The following PTPRM variants were observed in gnomAD, a reference collection of about 807,000 sequenced individuals.
The protein encoded by PTPRM is receptor-type tyrosine-protein phosphatase mu.
PTPRM carries 47 observed loss-of-function variants against 186.7 expected under a neutral mutation model. The observed-to-expected ratio is 0.25, with a 90% CI of 0.20 to 0.32. PTPRM has a LOEUF of 0.32. Among genes scored for constraint, PTPRM ranks in the 10% least tolerant of loss-of-function variants. The probability of loss-of-function intolerance (pLI) is 1.00; values close to 1 mark genes in which losing one functional copy is unlikely to be tolerated. For synonymous variants in PTPRM, 668 were observed against 674.9 expected (o/e 0.99, Z 0.16); for missense variants, 1,494 against 1,865.0 (o/e 0.80, Z 3.66).
chr18:8,285,745 A>C (rs1051186537), intron 19 of PTPRM, among the ~76,000 whole-genome samples: 1 of 152,098 alleles, frequency 6.6e-6, no homozygotes, highest in Non-Finnish European at 1.5e-5. Flanking sequence ...TAATCCCAAC[A>C]CTTTGAGAGG....
At chr18:7,852,663 C>T (rs760410212) in intron 2 of PTPRM, among the ~76,000 whole-genome samples, 9 of 151,454 alleles carry the variant, frequency 5.9e-5, no homozygotes, top group South Asian at 2.1e-4. Context: ...CCAGCCTGGG[C>T]GACAGAGCGA....
chr18:7,860,296 C>G lies in PTPRM; in HGVS notation c.197-27810C>G, dbSNP rs145108506. 2.4e-3 allele frequency among the ~76,000 whole-genome samples: 365 copies of G among 152,274 alleles called. 1 individual carries two copies. The highest frequency in any genetic ancestry group is 8.3e-3 in the African/African-American group (344 of 41,546). On this transcript the variant is annotated intron_variant, in intron 2 of 32. Transcript: ENST00000580170. ...CCATGTTGGCTAGGCTGGCCTTGAACTTCTGACCTCAAGTGATCTGCTGGC... is the reference window on the plus strand; with the variant it reads ...CCATGTTGGCTAGGCTGGCCTTGAAGTTCTGACCTCAAGTGATCTGCTGGC...
intron 13 of PTPRM, among the ~76,000 whole-genome samples, chr18:8,129,716 C>T (rs2145921604): frequency 6.6e-6 from 1 of 152,234 alleles, no homozygotes; most frequent in South Asian, 2.1e-4. Flanking sequence ...TATATTAGAT[C>T]CATTCAGAAT....
chr18:7,641,625 G>A (rs1245616611), intron 1 of PTPRM, among the ~76,000 whole-genome samples: 1 of 152,166 alleles, frequency 6.6e-6, no homozygotes, highest in East Asian at 1.9e-4. Context: ...ATGGATAACT[G>A]CAATCACTAA....
rs527524261 is a variant in PTPRM at position 8,248,170 on chromosome 18, A to G, written c.2548A>G (p.Ile850Val). The part of the protein sequence containing the change: ...YYPDPFVPTA[I>V]LVPINDETHT... ...GACAGACCCATTTGTGCCAACTGCA[A>G]TTTTAGGTGAGAACATTTCCCTTTA... is the stretch of plus-strand genomic sequence containing the variant. The change falls in exon 17 of 33, where the codon ATT becomes GTT. Residue 850 changes from isoleucine to valine, a missense_variant. Physicochemically the swap from Ile to Val is conservative, Grantham distance 29. Transcript: ENST00000580170. The G allele has an allele frequency of 7.2e-6, 11 of 1,531,794 alleles. No homozygotes were observed. The highest frequency in any genetic ancestry group is 4.5e-5 in the East Asian group (2 of 44,474). The allele number at this position is 1,531,794 out of a possible 1,614,324, so 94.9% of individuals were successfully genotyped here. A position where few individuals can be genotyped will look rare whatever the true frequency, so the allele number is the denominator to read the frequency against.
At chr18:8,151,126 G>A (rs2092996493) in intron 14 of PTPRM, among the ~76,000 whole-genome samples, 1 of 152,266 alleles carries the variant, frequency 6.6e-6, no homozygotes, top group East Asian at 1.9e-4. Flanking sequence ...CACTTGAGGA[G>A]GCACTCTGTC....
intron 17 of PTPRM, 108 bp downstream of exon 17, chr18:8,248,284 A>C: frequency 9.2e-7 from 1 of 1,087,156 alleles, no homozygotes; most frequent in Non-Finnish European, 1.4e-6. Flanking sequence ...AGTGATTATA[A>C]GCACGACATG....
rs142114474 is a variant in PTPRM at position 7,682,157 on chromosome 18, A to G, written c.74-91992A>G. Among the ~76,000 whole-genome samples, 285 of 152,342 alleles carry G rather than the reference A, an allele frequency of 1.9e-3. 3 individuals are homozygous for G. Among genetic ancestry groups the G allele is most frequent in the African/African-American group, 6.6e-3 (276 of 41,582 alleles). Reference sequence around the variant, plus strand: ...AGCTGGGATTCCAGTTCAGTTGGTCAGATTCTTTAACCAGTTCTTAACCTG... The same window carrying G: ...AGCTGGGATTCCAGTTCAGTTGGTCGGATTCTTTAACCAGTTCTTAACCTG... On this transcript the variant is annotated intron_variant, in intron 1 of 32. Transcript: ENST00000580170.
intron 7 of PTPRM, among the ~76,000 whole-genome samples, chr18:7,994,585 C>T (rs1194115848): frequency 2.0e-5 from 3 of 152,136 alleles, no homozygotes; most frequent in Non-Finnish European, 2.9e-5. Context: ...GGCAACAAAA[C>T]ATACTTCCAT....
rs200191054 is a variant in PTPRM, at chr18:7,711,025, T to TG, written c.74-63117dup. 1.0e-3 allele frequency among the ~76,000 whole-genome samples: 157 copies of TG among 152,090 alleles called. No individual in the cohort carries two copies. The East Asian group carries it at 0.014, about 13-fold the overall frequency. On this transcript the variant is annotated intron_variant, in intron 1 of 32. Coordinates refer to ENST00000580170, the MANE Select transcript of PTPRM (RefSeq NM_001105244.2). ...TTCTCATCAAAATACTGATGTGGGTTGGGGGGGAATCTCTCAAGATGGCCA... is the reference window on the plus strand; with the variant it reads ...TTCTCATCAAAATACTGATGTGGGTTGGGGGGGGAATCTCTCAAGATGGCCA...
intron 1 of PTPRM, 22 bp from the exon 2 acceptor site, chr18:7,774,127 T>C (rs2042468487): frequency 6.3e-7 from 1 of 1,596,558 alleles, no homozygotes; most frequent in Admixed American, 1.7e-5. Context: ...TTTACATTAC[T>C]TTTTATTCTT....
intron 7 of PTPRM, among the ~76,000 whole-genome samples, chr18:8,016,703 G>A (rs1886420120): frequency 6.6e-6 from 1 of 152,124 alleles, no homozygotes; most frequent in South Asian, 2.1e-4. Context: ...AAGGACAAGA[G>A]AGTTGACAAG....
At chr18:7,721,678 A>G (rs2040449487) in intron 1 of PTPRM, among the ~76,000 whole-genome samples, 1 of 152,092 alleles carries the variant, frequency 6.6e-6, no homozygotes. Context: ...TATCCAGTTT[A>G]TTCAGTACCG....
At chr18:7,774,932 A>T (rs1036389009) in intron 2 of PTPRM, among the ~76,000 whole-genome samples, 1 of 152,174 alleles carries the variant, frequency 6.6e-6, no homozygotes, top group Non-Finnish European at 1.5e-5. Context: ...AGGCTATGAC[A>T]TTGGACATCC....
At chr18:7,978,929 G>T (rs552492379) in intron 7 of PTPRM, among the ~76,000 whole-genome samples, 37 of 151,960 alleles carry the variant, frequency 2.4e-4, no homozygotes, top group Non-Finnish European at 5.4e-4. Context: ...AAAAAACAGT[G>T]CTTCACCATG....
intron 7 of PTPRM, among the ~76,000 whole-genome samples, chr18:8,014,105 T>G (rs2084707714): frequency 6.6e-6 from 1 of 152,150 alleles, no homozygotes; most frequent in African/African-American, 2.4e-5. Context: ...TGAGATCTTA[T>G]TTTGGTTTGC....
chr18:8,143,709 G>T lies in PTPRM; in HGVS notation c.2230G>T (p.Ala744Ser), dbSNP rs756928147. The T allele has an allele frequency of 2.5e-6, 4 of 1,612,824 alleles. No homozygotes were observed. The African/African-American group carries it at 4.0e-5, about 16-fold the overall frequency. Reference sequence around the variant, plus strand: ...ACAGACAGACCATACAGTTAAAATTGCTGGAGTCATCGCGGGCATCTTGCT... The same window carrying T: ...ACAGACAGACCATACAGTTAAAATTTCTGGAGTCATCGCGGGCATCTTGCT... ...EKQTDHTVKI[A>S]GVIAGILLFV... is the part of the protein sequence containing the mutation. The change falls in exon 14 of 33, where the codon GCT becomes TCT. Residue 744 changes from alanine to serine, a missense_variant. By Grantham distance (99) the Ala-to-Ser change is moderately conservative. Transcript: ENST00000580170.
At chr18:7,987,196 CA>C (rs2083009384) in intron 7 of PTPRM, among the ~76,000 whole-genome samples, 1 of 152,098 alleles carries the variant, frequency 6.6e-6, no homozygotes, top group African/African-American at 2.4e-5. Flanking sequence ...CTCTACTGCC[CA>C]CAGTAGATCT....
At chr18:8,184,508 A>C (rs1456316259) in intron 14 of PTPRM, among the ~76,000 whole-genome samples, 3 of 152,166 alleles carry the variant, frequency 2.0e-5, no homozygotes, top group Non-Finnish European at 4.4e-5. Flanking sequence ...TGTTGGGTGG[A>C]GAAGAGAAGG....
Sources: gnomAD v4.1 joint callset for allele counts (sites outside exome capture counted in the v4.1 genomes callset) on GRCh38, gnomAD v4.1.1 for gene constraint, MANE v1.5 for transcripts, NCBI Gene and HGNC (gene_info 2026-07-23, HGNC 2026-07-21) for gene names.